Variants in ARNT2 observed in about 807,000 individuals in gnomAD.
The protein encoded by ARNT2 is aryl hydrocarbon receptor nuclear translocator 2.
ARNT2 carries 36 observed loss-of-function variants against 91.7 expected under a neutral mutation model. That is an observed-to-expected ratio of 0.39 (90% CI 0.30 to 0.52). ARNT2 has a LOEUF of 0.52. Among genes scored for constraint, ARNT2 ranks in the 20% least tolerant of loss-of-function variants. The pLI, the probability that ARNT2 is intolerant of heterozygous loss-of-function variation, is 0.72. For synonymous variants in ARNT2, 365 were observed against 347.1 expected (o/e 1.05, Z -0.57); for missense variants, 775 against 939.3 (o/e 0.83, Z 2.29).
intron 5 of ARNT2, among the ~76,000 whole-genome samples, chr15:80,489,879 T>G (rs115308995): frequency 2.0e-5 from 3 of 152,060 alleles, no homozygotes; most frequent in African/African-American, 7.2e-5. Context: ...CGCTGACCAG[T>G]TGGGTGATCT....
chr15:80,553,390 C>T (rs1474696233), intron 10 of ARNT2, among the ~76,000 whole-genome samples: 1 of 152,076 alleles, frequency 6.6e-6, no homozygotes, highest in Non-Finnish European at 1.5e-5. Context: ...TTAATATGTA[C>T]AGAATATTGG....
chr15:80,569,473 C>T (rs1299943244), intron 12 of ARNT2, among the ~76,000 whole-genome samples: 1 of 152,190 alleles, frequency 6.6e-6, no homozygotes, highest in Non-Finnish European at 1.5e-5. Flanking sequence ...TCTGAGAAAA[C>T]TCCCCAGGGC....
intron 1 of ARNT2, among the ~76,000 whole-genome samples, chr15:80,408,504 C>G (rs535612826): frequency 1.4e-4 from 22 of 152,308 alleles, no homozygotes; most frequent in African/African-American, 5.1e-4. Context: ...GTGAGGCAGA[C>G]AAGATTTGTG....
At chr15:80,508,088 C>A in intron 5 of ARNT2, 68 bp from the exon 6 acceptor site, 2 of 1,497,590 alleles carry the variant, frequency 1.3e-6, no homozygotes, top group Non-Finnish European at 9.3e-7. Context: ...AAAGCACTCC[C>A]CGAACTCCCT....
chr15:80,505,530 A>C (rs1215523410), intron 5 of ARNT2, among the ~76,000 whole-genome samples: 1 of 152,258 alleles, frequency 6.6e-6, no homozygotes. Flanking sequence ...GTCACTTTGT[A>C]ATATTAATTC....
intron 8 of ARNT2, among the ~76,000 whole-genome samples, chr15:80,547,271 A>G (rs1898004872): frequency 6.6e-6 from 1 of 152,238 alleles, no homozygotes; most frequent in Non-Finnish European, 1.5e-5. Flanking sequence ...AGCGTGAATC[A>G]AAGCAGTGAT....
At chr15:80,592,279 T>G (rs1203996245) in intron 18 of ARNT2, among the ~76,000 whole-genome samples, 1 of 152,222 alleles carries the variant, frequency 6.6e-6, no homozygotes, top group Admixed American at 6.5e-5. Flanking sequence ...TGGCTGGGGA[T>G]GGCACTGCTG....
chr15:80,516,853 A>ATATATATATATC (rs1157966395), intron 8 of ARNT2, among the ~76,000 whole-genome samples: 15 of 139,052 alleles, frequency 1.1e-4, no homozygotes, highest in African/African-American at 4.0e-4. Context: ...ATATATATAT[A>ATATATATATATC]TATCCATGTT....
At chr15:80,521,259 T>A (rs538885329) in intron 8 of ARNT2, among the ~76,000 whole-genome samples, 1 of 152,172 alleles carries the variant, frequency 6.6e-6, no homozygotes, top group Non-Finnish European at 1.5e-5. Context: ...CAAGAGCGTG[T>A]TTATGTAAAA....
At chr15:80,451,704 A>G (rs758911616) in intron 2 of ARNT2, among the ~76,000 whole-genome samples, 19 of 151,948 alleles carry the variant, frequency 1.3e-4, no homozygotes, top group Non-Finnish European at 2.4e-4. Flanking sequence ...CAATCAACCA[A>G]CTAACCAACC....
chr15:80,551,159 T>C (rs745309104), intron 8 of ARNT2, 40 bp from the exon 9 acceptor site: 7 of 1,573,716 alleles, frequency 4.4e-6, no homozygotes, highest in Non-Finnish European at 6.1e-6. Flanking sequence ...CCCATTCACC[T>C]TGGGCATATT....
intron 5 of ARNT2, among the ~76,000 whole-genome samples, chr15:80,505,924 G>GT (rs1486880107): frequency 9.8e-5 from 7 of 71,208 alleles, no homozygotes; most frequent in East Asian, 3.1e-4. Context: ...CCCAACATTT[G>GT]TTGTTTTTTT....
intron 4 of ARNT2, among the ~76,000 whole-genome samples, chr15:80,474,224 C>A (rs917961627): frequency 6.6e-6 from 1 of 152,200 alleles, no homozygotes; most frequent in Non-Finnish European, 1.5e-5. Flanking sequence ...ATCAAGGCTT[C>A]CTGCTGCCCC....
intron 2 of ARNT2, among the ~76,000 whole-genome samples, chr15:80,451,765 C>T (rs1298588889): frequency 6.6e-6 from 1 of 152,132 alleles, no homozygotes; most frequent in Non-Finnish European, 1.5e-5. Flanking sequence ...AACTACCCCC[C>T]AACCATCCAA....
intron 8 of ARNT2, among the ~76,000 whole-genome samples, chr15:80,526,187 T>C (rs1364114292): frequency 3.3e-5 from 5 of 152,228 alleles, no homozygotes; most frequent in Non-Finnish European, 7.3e-5. Flanking sequence ...CCAGGCTTTA[T>C]ACTGAATAGG....
At chr15:80,505,963 T>C (rs1042538201) in intron 5 of ARNT2, among the ~76,000 whole-genome samples, 2 of 116,546 alleles carry the variant, frequency 1.7e-5, no homozygotes, top group African/African-American at 6.7e-5. Context: ...GGAGTCTTGC[T>C]CTGTCGCCCA....
At chr15:80,513,817 C>G in intron 6 of ARNT2, 94 bp from the exon 7 acceptor site, 1 of 1,047,148 alleles carries the variant, frequency 9.5e-7, no homozygotes, top group African/African-American at 1.6e-5. Flanking sequence ...AATGTGTAAG[C>G]ATCAATTAAG....
intron 5 of ARNT2, among the ~76,000 whole-genome samples, chr15:80,495,675 CTGTT>C (rs759108236): frequency 3.3e-5 from 5 of 152,234 alleles, no homozygotes; most frequent in Admixed American, 6.5e-5. Context: ...CTTGACTCCT[CTGTT>C]TGCTTTTGCT....
chr15:80,579,271 T>G (rs1898746946), intron 15 of ARNT2, among the ~76,000 whole-genome samples: 1 of 152,128 alleles, frequency 6.6e-6, no homozygotes. Context: ...AATACTTTCA[T>G]CAGGAAGGAG....
Sources: allele counts gnomAD v4.1 joint callset (sites outside exome capture counted in the v4.1 genomes callset), GRCh38; gene constraint gnomAD v4.1.1; transcripts MANE v1.5; gene names NCBI Gene and HGNC (gene_info 2026-07-23, HGNC 2026-07-21).